Variants in SLC4A5 observed in about 807,000 individuals in gnomAD.
The protein encoded by SLC4A5 is electrogenic sodium bicarbonate cotransporter 4.
In SLC4A5, 96 loss-of-function variants were observed where a neutral mutation model predicts 120.4. The observed-to-expected ratio is 0.80, with a 90% CI of 0.68 to 0.94. The LOEUF is 0.94. SLC4A5 is among the 40% of genes least tolerant of loss of function. The pLI is 0.00. For synonymous variants in SLC4A5, 550 were observed against 571.1 expected (o/e 0.96, Z 0.53); for missense variants, 1,259 against 1,459.5 (o/e 0.86, Z 2.24).
intron 6 of SLC4A5, among the ~76,000 whole-genome samples, chr2:74,311,094 C>T (rs13390096): frequency 0.081 from 12,370 of 152,030 alleles, 1,641 homozygotes; most frequent in African/African-American, 0.28. Flanking sequence ...TTTGTAGGCA[C>T]AGAGTTGCTC....
intron 23 of SLC4A5, 124 bp from the exon 24 acceptor site, chr2:74,232,771 G>GT (rs1670138861): frequency 2.4e-6 from 3 of 1,236,504 alleles, no homozygotes; most frequent in Non-Finnish European, 3.4e-6. Context: ...GGGGCCTGAG[G>GT]TGCTCCTTGC....
chr2:74,320,628 T>C (rs537386695), intron 5 of SLC4A5, among the ~76,000 whole-genome samples: 37 of 152,254 alleles, frequency 2.4e-4, no homozygotes, highest in African/African-American at 8.4e-4. Flanking sequence ...CGATGCACCT[T>C]TTTTTCAGGA....
intron 2 of SLC4A5, among the ~76,000 whole-genome samples, chr2:74,342,081 G>A (rs1673642037): frequency 6.6e-6 from 1 of 152,228 alleles, no homozygotes; most frequent in African/African-American, 2.4e-5. Context: ...AGATAGGGAA[G>A]TAGATCTGAA....
intron 4 of SLC4A5, among the ~76,000 whole-genome samples, chr2:74,333,239 T>A (rs1190532576): frequency 1.3e-5 from 2 of 152,116 alleles, no homozygotes; most frequent in Non-Finnish European, 2.9e-5. Context: ...AACAAAAAAA[T>A]TATCTGACCC....
At chr2:74,241,699 G>A (rs532071045) in intron 20 of SLC4A5, among the ~76,000 whole-genome samples, 3 of 143,344 alleles carry the variant, frequency 2.1e-5, no homozygotes, top group African/African-American at 7.8e-5. Context: ...CCAAGATCAC[G>A]CCACTGCTCT....
At chr2:74,343,300 A>G (rs1173401822) in intron 1 of SLC4A5, 56 bp downstream of exon 1, 1 of 152,110 alleles carries the variant, frequency 6.6e-6, no homozygotes, top group Non-Finnish European at 1.5e-5. Flanking sequence ...CACATCTCCA[A>G]ACCAGAACCT....
At chr2:74,249,672 C>T (rs144410254) in intron 17 of SLC4A5, among the ~76,000 whole-genome samples, 169 of 152,200 alleles carry the variant, frequency 1.1e-3, no homozygotes, top group African/African-American at 4.0e-3. Context: ...GGGAGCAGCA[C>T]GTCAGGAGGG....
intron 4 of SLC4A5, among the ~76,000 whole-genome samples, chr2:74,330,091 GAGAT>G (rs1048637264): frequency 2.0e-5 from 3 of 151,398 alleles, no homozygotes; most frequent in Admixed American, 1.3e-4. Context: ...TAGGTGGTGA[GAGAT>G]AGGTGAGGGT....
At chr2:74,269,406 G>GT (rs1558887267) in intron 8 of SLC4A5, among the ~76,000 whole-genome samples, 1 of 151,238 alleles carries the variant, frequency 6.6e-6, no homozygotes, top group South Asian at 2.1e-4. Context: ...TTGTTTGTTT[G>GT]TTTTTTAGTA....
chr2:74,303,689 G>GA (rs1672545604), intron 7 of SLC4A5, among the ~76,000 whole-genome samples: 1 of 152,136 alleles, frequency 6.6e-6, no homozygotes. Context: ...TGTCCTGGAA[G>GA]AAAGCTTCCT....
exon 23 of SLC4A5, chr2:74,233,540 C>A: frequency 6.2e-7 from 1 of 1,613,840 alleles, no homozygotes. Context: ...GGGCCACGAA[C>A]CAGCCTCGGT....
intron 27 of SLC4A5, 67 bp downstream of exon 27, chr2:74,226,890 G>T: frequency 6.5e-7 from 1 of 1,543,840 alleles, no homozygotes; most frequent in South Asian, 1.2e-5. Context: ...AGGGGAGGTT[G>T]CGCTGCACCT....
intron 20 of SLC4A5, among the ~76,000 whole-genome samples, chr2:74,240,041 T>TTATATATATA (rs142456944): frequency 3.1e-4 from 45 of 145,384 alleles, no homozygotes; most frequent in African/African-American, 1.1e-3. Context: ...ATATATAAAT[T>TTATATATATA]TATATATATA....
At chr2:74,252,053 G>A in intron 16 of SLC4A5, 126 bp downstream of exon 16, 1 of 1,023,054 alleles carries the variant, frequency 9.8e-7, no homozygotes, top group South Asian at 1.6e-5. Context: ...GCTCTGGGAG[G>A]GAAAGAAGGC....
intron 28 of SLC4A5, 75 bp from the exon 29 acceptor site, chr2:74,223,027 CAG>C (rs925146077): frequency 1.2e-5 from 11 of 950,752 alleles, no homozygotes; most frequent in African/African-American, 3.4e-5. Flanking sequence ...TTTTTTGAGA[CAG>C]AGTCTCGCTC....
At chr2:74,294,336 A>C (rs1308027326) in intron 7 of SLC4A5, among the ~76,000 whole-genome samples, 2 of 152,216 alleles carry the variant, frequency 1.3e-5, no homozygotes, top group Admixed American at 1.3e-4. Flanking sequence ...CATCCATCTC[A>C]TTGGCGCACA....
intron 2 of SLC4A5, among the ~76,000 whole-genome samples, chr2:74,342,058 A>G (rs1673641617): frequency 1.3e-5 from 2 of 152,246 alleles, no homozygotes; most frequent in African/African-American, 2.4e-5. Flanking sequence ...AGAAGCACAT[A>G]GCCCACCTCT....
At chr2:74,304,643 A>G in exon 7 of SLC4A5, 1 of 1,614,132 alleles carries the variant, frequency 6.2e-7, no homozygotes, top group Non-Finnish European at 8.5e-7. Flanking sequence ...TTTGAGGGTA[A>G]GTGGGTACTG....
chr2:74,307,979 G>T, intron 6 of SLC4A5: 1 of 561,342 alleles, frequency 1.8e-6, no homozygotes, highest in South Asian at 1.4e-5. Flanking sequence ...AGTAGTTGGA[G>T]GAGAAGGTGG....
Sources: allele counts gnomAD v4.1 joint callset (sites outside exome capture counted in the v4.1 genomes callset), GRCh38; gene constraint gnomAD v4.1.1; transcripts MANE v1.5; gene names NCBI Gene and HGNC (gene_info 2026-07-23, HGNC 2026-07-21).